Variants in ARMC2 observed in about 807,000 individuals in gnomAD.
The protein encoded by ARMC2 is armadillo repeat-containing protein 2.
A neutral mutation model predicts 90.3 loss-of-function variants in ARMC2; 67 were observed. The observed-to-expected ratio is 0.74, with a 90% confidence interval of 0.61 to 0.91. ARMC2 has a LOEUF of 0.91. ARMC2 is among the 40% of genes least tolerant of loss of function. The pLI is 0.00. For synonymous variants in ARMC2, 393 were observed against 393.0 expected (o/e 1.00, Z 0.00); for missense variants, 920 against 1,030.9 (o/e 0.89, Z 1.47).
intron 5 of ARMC2, among the ~76,000 whole-genome samples, chr6:108,876,957 G>T (rs1776999930): frequency 6.6e-6 from 1 of 152,106 alleles, no homozygotes; most frequent in Non-Finnish European, 1.5e-5. Context: ...AGGATCTGTG[G>T]AGAAATGCTT....
intron 8 of ARMC2, chr6:108,907,995 A>G (rs1772964276): frequency 2.2e-6 from 2 of 910,090 alleles, no homozygotes; most frequent in East Asian, 2.7e-5. Context: ...CCCATTTCCT[A>G]TTTTCCTCCT....
intron 13 of ARMC2, among the ~76,000 whole-genome samples, chr6:108,957,829 C>T (rs1056172966): frequency 2.0e-5 from 3 of 152,130 alleles, no homozygotes; most frequent in Admixed American, 6.5e-5. Context: ...GTCTCATATC[C>T]GTGAGTGAAT....
the ARMC2 span, among the ~76,000 whole-genome samples, chr6:108,995,927 A>G: frequency 6.6e-6 from 1 of 152,200 alleles, no homozygotes; most frequent in African/African-American, 2.4e-5. Context: ...TTGATCCTTC[A>G]GGTAGCAGCT....
chr6:108,854,260 A>G lies in ARMC2; in HGVS notation c.-8A>G, dbSNP rs765354870. 5.0e-6 allele frequency: 8 copies of G among 1,590,044 alleles called. No homozygotes were observed. Among genetic ancestry groups the G allele is most frequent in the African/African-American group, 1.3e-5 (1 of 74,260 alleles). ...CTATCTGAAGAATATTTTACTTTCA[A>G]AGGAAAGATGCTGTCTCCAAATGAT... On this transcript the variant is annotated 5_prime_UTR_variant, in exon 2 of 18. Coordinates refer to ENST00000392644, the MANE Select transcript of ARMC2 (RefSeq NM_032131.6).
the ARMC2 span, chr6:109,001,530 T>G: frequency 6.4e-7 from 1 of 1,555,674 alleles, no homozygotes; most frequent in African/African-American, 1.4e-5. Context: ...AATGGTAAAT[T>G]GGTGTTAAGG....
intron 5 of ARMC2, among the ~76,000 whole-genome samples, chr6:108,886,949 A>G (rs985069389): frequency 8.6e-5 from 13 of 150,378 alleles, no homozygotes; most frequent in African/African-American, 3.2e-4. Context: ...TGCCCAGGCT[A>G]GAGTGCAGTG....
At chr6:108,950,752 G>C (rs1366632506) in intron 12 of ARMC2, among the ~76,000 whole-genome samples, 2 of 152,134 alleles carry the variant, frequency 1.3e-5, no homozygotes, top group Non-Finnish European at 2.9e-5. Context: ...TAACAAAAGT[G>C]CTCATGTACC....
chr6:108,963,483 C>T (rs369543869), intron 15 of ARMC2, among the ~76,000 whole-genome samples: 2 of 152,322 alleles, frequency 1.3e-5, no homozygotes, highest in East Asian at 3.9e-4. Flanking sequence ...ACCCAGTTAA[C>T]AGGGCCGGGG....
chr6:109,027,925 A>G, the ARMC2 span, among the ~76,000 whole-genome samples: 1 of 151,984 alleles, frequency 6.6e-6, no homozygotes, highest in Non-Finnish European at 1.5e-5. Context: ...TGGGTTGGTT[A>G]TTTTCTTGTG....
In ARMC2 at chr6:108,868,979, C is replaced by A. The variant is rs901412556; in HGVS notation, c.447C>A (p.Ser149=). The A allele has an allele frequency of 6.2e-7, 1 of 1,612,666 alleles. No individual in the cohort carries two copies. Among genetic ancestry groups the A allele is most frequent in the Non-Finnish European group, 8.5e-7 (1 of 1,179,342 alleles). The change falls in exon 4 of 18, where the codon TCC becomes TCA. Residue 149 remains serine, a synonymous_variant. Coordinates refer to ENST00000392644, the MANE Select transcript of ARMC2 (RefSeq NM_032131.6). Reference sequence around the variant, plus strand: ...AGCGGGCCCTTCTGCCGGACAGATCCCTTCCTCCCTCCGACTGTAAGGCCA... The same window carrying A: ...AGCGGGCCCTTCTGCCGGACAGATCACTTCCTCCCTCCGACTGTAAGGCCA... ...ASQRALLPDR[S]LPPSDSKKTV...
At chr6:108,979,885 T>C in the ARMC2 span, among the ~76,000 whole-genome samples, 1 of 151,882 alleles carries the variant, frequency 6.6e-6, no homozygotes, top group Non-Finnish European at 1.5e-5. Flanking sequence ...TAGTTAGCAA[T>C]TCATCTAACC....
chr6:109,004,822 G>A, the ARMC2 span, among the ~76,000 whole-genome samples: 1 of 152,168 alleles, frequency 6.6e-6, no homozygotes, highest in African/African-American at 2.4e-5. Context: ...ACAACTGCAA[G>A]TTAACTATGC....
At position 108,969,532 on chromosome 6, in the gene ARMC2, A is replaced by C. The variant is rs189055228; in HGVS notation, c.2447-3825A>C. On this transcript the variant is annotated intron_variant, in intron 17 of 17. Transcript: ENST00000392644. ...CCTAAATAAGCACTTTTCACACTGCAGGTCAGGAAAACAATTTAGTTGGTT... is the reference window on the plus strand; with the variant it reads ...CCTAAATAAGCACTTTTCACACTGCCGGTCAGGAAAACAATTTAGTTGGTT... Among the ~76,000 whole-genome samples the C allele has an allele frequency of 2.9e-4, 44 of 152,380 alleles. No individual in the cohort carries two copies. The East Asian group carries it at 7.5e-3, about 26-fold the overall frequency.
At chr6:108,852,779 A>G (rs1418918876) in intron 1 of ARMC2, among the ~76,000 whole-genome samples, 2 of 152,216 alleles carry the variant, frequency 1.3e-5, no homozygotes, top group Non-Finnish European at 2.9e-5. Context: ...TTTATTATAC[A>G]GAAACCTCTT....
chr6:108,961,537 G>A (rs1468919238), intron 13 of ARMC2, 35 bp from the exon 14 acceptor site: 30 of 1,558,198 alleles, frequency 1.9e-5, no homozygotes, highest in African/African-American at 1.6e-4. Context: ...CTCCTGCAGT[G>A]GGTCTTTGAC....
intron 2 of ARMC2, among the ~76,000 whole-genome samples, chr6:108,855,690 G>C (rs1774509941): frequency 6.6e-6 from 1 of 152,238 alleles, no homozygotes; most frequent in South Asian, 2.1e-4. Context: ...AGCAATGAAT[G>C]AGAGATCCTG....
At chr6:108,912,700 C>G in intron 10 of ARMC2, 142 bp downstream of exon 10, 2 of 708,542 alleles carry the variant, frequency 2.8e-6, no homozygotes. Flanking sequence ...CATAGCCCAC[C>G]TCCACCCCAT....
intron 5 of ARMC2, 138 bp from the exon 6 acceptor site, chr6:108,894,329 A>C: frequency 1.4e-6 from 1 of 697,740 alleles, no homozygotes; most frequent in Non-Finnish European, 2.2e-6. Context: ...TCACAGCACC[A>C]CTGTTCTCTA....
intron 11 of ARMC2, among the ~76,000 whole-genome samples, chr6:108,929,500 G>A (rs970303305): frequency 6.6e-6 from 1 of 151,844 alleles, no homozygotes; most frequent in African/African-American, 2.4e-5. Flanking sequence ...GTTGAGATGG[G>A]GTCTCGCTTT....
Sources: allele counts gnomAD v4.1 joint callset (sites outside exome capture counted in the v4.1 genomes callset), GRCh38; gene constraint gnomAD v4.1.1; transcripts MANE v1.5; gene names NCBI Gene and HGNC (gene_info 2026-07-23, HGNC 2026-07-21).